The following SLC27A6 variants were observed in gnomAD, a reference collection of about 807,000 sequenced individuals.
The protein encoded by SLC27A6 is solute carrier family 27 member 6.
Under a neutral mutation model 63.9 loss-of-function variants are expected in SLC27A6, and 74 were observed. The ratio of observed to expected loss-of-function variants is 1.16; its 90% confidence interval spans 0.96 to 1.40. SLC27A6 has a LOEUF of 1.40. Ranked by LOEUF, SLC27A6 falls within the 40% of genes most tolerant of loss-of-function variation. SLC27A6 has a pLI of 0.00. For synonymous variants in SLC27A6, 287 were observed against 260.8 expected, an observed-to-expected ratio of 1.10 and a Z score of -0.97; for missense variants, 794 against 732.9, an observed-to-expected ratio of 1.08 and a Z score of -0.96.
Position 129,009,110 on chromosome 5 carries a change from G to A in SLC27A6, c.970-6775G>A, listed in dbSNP as rs143298259. Among the ~76,000 whole-genome samples the A allele has an allele frequency of 9.1e-3, 1,389 of 152,068 alleles. 15 individuals carry two copies. Among genetic ancestry groups the A allele is most frequent in the African/African-American group, 0.031 (1,283 of 41,466 alleles). On this transcript the variant is annotated intron_variant, in intron 4 of 9. Transcript: ENST00000262462. ...TCATACTCCTGACCTCAGGTCATCCGCCTGCCTTGGCCTCCCAAAGTGCTG... is the reference window on the plus strand; with the variant it reads ...TCATACTCCTGACCTCAGGTCATCCACCTGCCTTGGCCTCCCAAAGTGCTG...
chr5:129,023,515 T>G, intron 5 of SLC27A6, 105 bp from the exon 6 acceptor site: 1 of 622,582 alleles, frequency 1.6e-6, no homozygotes, highest in Non-Finnish European at 2.7e-6. Context: ...ATTATTTATT[T>G]CAATTAGCAT....
At chr5:128,988,578 C>T in intron 2 of SLC27A6, 22 bp from the exon 3 acceptor site, 1 of 1,606,412 alleles carries the variant, frequency 6.2e-7, no homozygotes, top group Non-Finnish European at 8.5e-7. Context: ...TATATATTTC[C>T]TGTTCTTTTC....
At chr5:129,028,239 C>A in intron 7 of SLC27A6, 106 bp from the exon 8 acceptor site, 1 of 665,580 alleles carries the variant, frequency 1.5e-6, no homozygotes, top group South Asian at 1.8e-5. Context: ...TTATGTTGGT[C>A]AGTAGGTGCT....
At chr5:129,020,886 G>A (rs1186431964) in intron 5 of SLC27A6, among the ~76,000 whole-genome samples, 1 of 152,022 alleles carries the variant, frequency 6.6e-6, no homozygotes, top group African/African-American at 2.4e-5. Context: ...GAATCCAGGA[G>A]GGTACCAAGG....
intron 5 of SLC27A6, among the ~76,000 whole-genome samples, chr5:129,018,245 T>A (rs1170518238): frequency 6.6e-6 from 1 of 152,100 alleles, no homozygotes; most frequent in African/African-American, 2.4e-5. Flanking sequence ...ACTGCTTTAG[T>A]TTTTTAGGTG....
At chr5:129,028,741 T>C (rs950557310) in intron 8 of SLC27A6, among the ~76,000 whole-genome samples, 4 of 151,856 alleles carry the variant, frequency 2.6e-5, no homozygotes, top group South Asian at 2.1e-4. Flanking sequence ...TATTAGTCTA[T>C]TATTTTTCTT....
rs1363441981 is a variant in SLC27A6 at position 128,985,193 on chromosome 5, G to A, written c.542G>A (p.Gly181Glu). ...PSLSENISVW[G>E]MKDSVPQGVI... The stretch of plus-strand genomic sequence containing the variant: ...CTCTCAGAAAATATCAGTGTTTGGG[G>A]GATGAAAGATTCTGTTCCACAAGGT... The change falls in exon 2 of 10, where the codon GGG becomes GAG. Residue 181 changes from glycine to glutamate, a missense_variant. Transcript: ENST00000262462. The A allele has an allele frequency of 6.2e-7, 1 of 1,613,922 alleles. No individual in the cohort carries two copies. Among genetic ancestry groups the A allele is most frequent in the Admixed American group, 1.7e-5 (1 of 60,014 alleles).
intron 4 of SLC27A6, among the ~76,000 whole-genome samples, chr5:129,006,485 T>TG: frequency 8.2e-6 from 1 of 122,370 alleles, no homozygotes; most frequent in African/African-American, 3.0e-5. Context: ...GTGTGTGTGT[T>TG]GTGTGTCTGT....
intron 1 of SLC27A6, among the ~76,000 whole-genome samples, chr5:128,984,201 G>GA (rs1008034037): frequency 3.3e-5 from 5 of 152,218 alleles, no homozygotes; most frequent in Middle Eastern, 3.4e-3. Flanking sequence ...CTACTCTGGA[G>GA]AAAAAAATGA....
At chr5:128,977,631 T>A (rs968336234) in intron 1 of SLC27A6, among the ~76,000 whole-genome samples, 1 of 152,184 alleles carries the variant, frequency 6.6e-6, no homozygotes, top group Non-Finnish European at 1.5e-5. Flanking sequence ...CTTGCCTAGA[T>A]GTATGAGCTT....
At chr5:128,983,392 A>G (rs574545550) in intron 1 of SLC27A6, among the ~76,000 whole-genome samples, 170 of 145,440 alleles carry the variant, frequency 1.2e-3, no homozygotes, top group African/African-American at 4.2e-3. Context: ...TCCTGGGTTC[A>G]AGCGATTCTC....
chr5:128,997,004 T>C (rs975712757), intron 4 of SLC27A6, among the ~76,000 whole-genome samples: 2 of 152,168 alleles, frequency 1.3e-5, no homozygotes, highest in African/African-American at 4.8e-5. Flanking sequence ...ATTAAAAATA[T>C]TCTCTCATCA....
Position 128,975,612 on chromosome 5 carries a change from T to C in SLC27A6, c.481+8994T>C, listed in dbSNP as rs548119358. Among the ~76,000 whole-genome samples the C allele has an allele frequency of 1.3e-5, 2 of 152,322 alleles. 1 individual carries two copies. Among genetic ancestry groups the C allele is most frequent in the South Asian group, 4.1e-4 (2 of 4,820 alleles). On this transcript the variant is annotated intron_variant, in intron 1 of 9. Transcript: ENST00000262462. ...GTAAAAACATAGTGGTATGATCTTA[T>C]GGGACTACTGTTGTATATGCAGTCC...
chr5:129,006,071 G>GTTTTTTTTTTTTTTTTTTTTTT lies in SLC27A6; in HGVS notation c.970-9810_970-9789dup, dbSNP rs4068575. ...TAAAATTTTCATTCCTGTGCACACT[G>GTTTTTTTTTTTTTTTTTTTTTT]TTTTTTTTTTTTTTTTTTTTTTTTT... On this transcript the variant is annotated intron_variant, in intron 4 of 9. Transcript: ENST00000262462. Among the ~76,000 whole-genome samples the GTTTTTTTTTTTTTTTTTTTTTT allele has an allele frequency of 3.6e-3, 214 of 60,144 alleles. 58 individuals carry two copies. The highest frequency in any genetic ancestry group is 0.024 in the East Asian group (15 of 614). 39.5% of individuals were successfully genotyped at this position (60,144 alleles called of 152,430 possible). A position where few individuals can be genotyped will look rare whatever the true frequency, so the allele number is the denominator to read the frequency against.
chr5:129,017,918 G>A lies in SLC27A6; in HGVS notation c.1164+1839G>A, dbSNP rs142349366. Among the ~76,000 whole-genome samples the A allele has an allele frequency of 3.9e-5, 6 of 152,056 alleles. No individual in the cohort carries two copies. The East Asian group carries it at 9.7e-4, about 25-fold the overall frequency. On this transcript the variant is annotated intron_variant, in intron 5 of 9. Transcript: ENST00000262462. ...AAAGAGCAAATAATTCCTCTGTTAC[G>A]AACTCTTCCAGATAATGCAGAAGGA...
chr5:128,985,011 A>G (rs1013980371), intron 1 of SLC27A6, 122 bp from the exon 2 acceptor site: 5 of 681,980 alleles, frequency 7.3e-6, no homozygotes, highest in South Asian at 3.9e-5. Context: ...CTTATCCAAC[A>G]TAAGAAGGAA....
At chr5:129,021,489 TC>T (rs1332844556) in intron 5 of SLC27A6, among the ~76,000 whole-genome samples, 2 of 152,166 alleles carry the variant, frequency 1.3e-5, no homozygotes, top group East Asian at 3.9e-4. Flanking sequence ...GGATAAAATC[TC>T]CCAGGGCCAA....
At chr5:129,016,191 G>C (rs1751886399) in intron 5 of SLC27A6, 112 bp downstream of exon 5, 1 of 690,312 alleles carries the variant, frequency 1.4e-6, no homozygotes, top group Admixed American at 2.9e-5. Context: ...AGGAGATCGA[G>C]ACCATCCTGG....
intron 6 of SLC27A6, 124 bp downstream of exon 6, chr5:129,023,834 T>G (rs1056696462): frequency 9.1e-6 from 6 of 662,094 alleles, no homozygotes; most frequent in Admixed American, 5.8e-5. Context: ...TTCATGGATG[T>G]TTGCTCCTTA....
Sources: allele counts gnomAD v4.1 joint callset (sites outside exome capture counted in the v4.1 genomes callset), GRCh38; gene constraint gnomAD v4.1.1; transcripts MANE v1.5; gene names NCBI Gene and HGNC (gene_info 2026-07-23, HGNC 2026-07-21).